Variants in DNAH14 observed in about 807,000 individuals in gnomAD.
The protein encoded by DNAH14 is axonemal beta dynein heavy chain 14.
Under a neutral mutation model 520.9 loss-of-function variants are expected in DNAH14, and 478 were observed. The observed-to-expected ratio is 0.92, with a 90% CI of 0.85 to 0.99. The LOEUF (loss-of-function observed/expected upper bound fraction) is 0.99, where lower values mean the gene tolerates loss of function less well. Among genes scored for constraint, DNAH14 ranks in the 50% least tolerant of loss-of-function variants. The pLI is 0.00. For synonymous variants in DNAH14, 1,581 were observed against 1,757.2 expected (o/e 0.90, Z 2.51); for missense variants, 4,831 against 5,234.5 (o/e 0.92, Z 2.38).
chr1:225,011,288 G>A (rs894775851), intron 10 of DNAH14, among the ~76,000 whole-genome samples: 6 of 152,016 alleles, frequency 3.9e-5, no homozygotes, highest in African/African-American at 1.5e-4. Context: ...CAGTGATTCT[G>A]GTATGTTATG....
intron 6 of DNAH14, 193 bp downstream of exon 6, chr1:224,967,776 G>T: frequency 4.1e-6 from 6 of 1,460,874 alleles, no homozygotes; most frequent in Non-Finnish European, 4.5e-6. Context: ...AGAGATTTAG[G>T]TTTGAAGATT....
chr1:225,186,223 T>A (rs1387337229), intron 37 of DNAH14, among the ~76,000 whole-genome samples: 1 of 151,828 alleles, frequency 6.6e-6, no homozygotes, highest in Non-Finnish European at 1.5e-5. Context: ...TTATGTGGAT[T>A]TTTTTTCTGT....
At chr1:224,975,553 C>T (rs1396214561) in intron 8 of DNAH14, among the ~76,000 whole-genome samples, 2 of 151,762 alleles carry the variant, frequency 1.3e-5, no homozygotes, top group African/African-American at 4.8e-5. Context: ...GTTTGTATTT[C>T]TGTGGGATCG....
At chr1:225,044,834 G>T (rs1011844837) in intron 15 of DNAH14, among the ~76,000 whole-genome samples, 8 of 152,086 alleles carry the variant, frequency 5.3e-5, no homozygotes, top group African/African-American at 1.9e-4. Flanking sequence ...AAAATCCAGA[G>T]ATATTAGTAT....
In DNAH14 at chr1:225,333,271, A is replaced by T. The variant is rs1333367762; in HGVS notation, c.9865-20A>T. 1.3e-6 allele frequency: 2 copies of T among 1,511,450 alleles called. No homozygotes were observed. Among genetic ancestry groups the T allele is most frequent in the Admixed American group, 4.0e-5 (2 of 49,732 alleles). The allele number at this position is 1,511,450 out of a possible 1,614,324, so 93.6% of individuals were successfully genotyped here. On this transcript the variant is annotated intron_variant, in intron 65 of 85. Transcript: ENST00000682510. The stretch of plus-strand genomic sequence containing the variant: ...TAATATATTTTATATAGAATAACTC[A>T]TTTCTATTTTAACATTTAGACTCGA...
intron 55 of DNAH14, among the ~76,000 whole-genome samples, chr1:225,290,424 TA>T (rs1180757032): frequency 6.6e-6 from 1 of 151,686 alleles, no homozygotes; most frequent in African/African-American, 2.4e-5. Context: ...ATCTGTATTT[TA>T]AAAACCCTTT....
At chr1:225,344,128 T>C (rs2095246931) in intron 69 of DNAH14, among the ~76,000 whole-genome samples, 1 of 152,188 alleles carries the variant, frequency 6.6e-6, no homozygotes. Context: ...ATAGTGGTTT[T>C]AGTAAAAATT....
intron 50 of DNAH14, among the ~76,000 whole-genome samples, chr1:225,271,469 A>G (rs1384238660): frequency 6.6e-6 from 1 of 152,204 alleles, no homozygotes; most frequent in Non-Finnish European, 1.5e-5. Context: ...CTAGATTTCA[A>G]GTTGAGTCAT....
rs1572128936 is a variant in DNAH14 at position 224,968,948 on chromosome 1, G to A, written c.767+74G>A. ...AGGAGCAGTTGCCTGAGTGACATCT[G>A]GGTTCTACTACAGTAATACCAGTAG... On this transcript the variant is annotated intron_variant, in intron 7 of 85. Transcript: ENST00000682510. The A allele has an allele frequency of 1.3e-5, 13 of 1,005,194 alleles. No individual in the cohort carries two copies. In the East Asian group the frequency reaches 3.7e-4, roughly 29 times the overall value. 62.3% of individuals were successfully genotyped at this position (1,005,194 alleles called of 1,614,324 possible). A position where few individuals can be genotyped will look rare whatever the true frequency, so the allele number is the denominator to read the frequency against.
At chr1:225,338,774 G>A (rs531032040) in intron 68 of DNAH14, among the ~76,000 whole-genome samples, 1 of 152,258 alleles carries the variant, frequency 6.6e-6, no homozygotes, top group South Asian at 2.1e-4. Context: ...TGTATGCAAA[G>A]CTACAGGAAA....
intron 26 of DNAH14, 72 bp downstream of exon 26, chr1:225,119,366 A>AT: frequency 9.3e-7 from 1 of 1,080,322 alleles, no homozygotes; most frequent in Non-Finnish European, 1.3e-6. Flanking sequence ...ATACACACAC[A>AT]TTTTTTAAAA....
At chr1:225,373,219 G>A (rs2095640981) in intron 77 of DNAH14, among the ~76,000 whole-genome samples, 1 of 151,430 alleles carries the variant, frequency 6.6e-6, no homozygotes, top group South Asian at 2.1e-4. Context: ...GGAGAGGAGG[G>A]CCGGGCGCGG....
At chr1:224,962,344 T>C (rs916407326) in intron 4 of DNAH14, among the ~76,000 whole-genome samples, 1 of 152,142 alleles carries the variant, frequency 6.6e-6, no homozygotes, top group Non-Finnish European at 1.5e-5. Context: ...AAGGAGACTA[T>C]TAGGGGCATG....
rs1030806858 is a variant in DNAH14, at chr1:225,216,751, C to A, written c.6439+9531C>A. Among the ~76,000 whole-genome samples the A allele has an allele frequency of 6.6e-5, 10 of 152,256 alleles. No homozygotes were observed. The South Asian group carries it at 1.2e-3, about 19-fold the overall frequency. Reference sequence around the variant, plus strand: ...GCCATGGTTTTCAGCTCCATCAGGTCATTTAATGACTTCTCTACACTGTTT... The same window carrying A: ...GCCATGGTTTTCAGCTCCATCAGGTAATTTAATGACTTCTCTACACTGTTT... On this transcript the variant is annotated intron_variant, in intron 41 of 85. Coordinates refer to ENST00000682510, the MANE Select transcript of DNAH14 (RefSeq NM_001367479.1).
At chr1:225,249,512 C>T (rs754851124) in intron 43 of DNAH14, among the ~76,000 whole-genome samples, 1 of 152,144 alleles carries the variant, frequency 6.6e-6, no homozygotes, top group Non-Finnish European at 1.5e-5. Context: ...AGCCCTCTAC[C>T]TGGAGGAGCT....
chr1:225,058,742 G>A (rs1218421893), intron 17 of DNAH14, among the ~76,000 whole-genome samples: 12 of 151,998 alleles, frequency 7.9e-5, no homozygotes, highest in African/African-American at 1.7e-4. Flanking sequence ...CTTTGTTCTC[G>A]TTGGTTTCAA....
chr1:225,069,751 T>C (rs532335594), intron 17 of DNAH14, among the ~76,000 whole-genome samples: 1 of 152,286 alleles, frequency 6.6e-6, no homozygotes, highest in Admixed American at 6.5e-5. Context: ...GTCCTTCATT[T>C]TTAAGTTTTT....
rs1241749150 is a variant in DNAH14, at chr1:225,374,799, T to G, written c.12430T>G (p.Trp4144Gly). Residue 4144 changes from tryptophan (W) to glycine (G), a missense_variant, in exon 78 of 86, where the codon TGG becomes GGG. Physicochemically the swap from Trp to Gly is radical, Grantham distance 184. Coordinates refer to ENST00000682510, the MANE Select transcript of DNAH14 (RefSeq NM_001367479.1). Reference protein sequence around the residue: ...VIYGGRVIDNWDKRCLKTLLY... With the variant: ...VIYGGRVIDNGDKRCLKTLLY... Reference sequence around the variant, plus strand: ...TTACGGTGGCCGGGTGATTGATAATTGGGACAAGCGATGCTTGAAGACCCT... The same window carrying G: ...TTACGGTGGCCGGGTGATTGATAATGGGGACAAGCGATGCTTGAAGACCCT... 3 of 1,551,444 alleles carry G rather than the reference T, an allele frequency of 1.9e-6. No individual in the cohort carries two copies. Among genetic ancestry groups the G allele is most frequent in the Non-Finnish European group, 2.6e-6 (3 of 1,146,962 alleles).
intron 1 of DNAH14, among the ~76,000 whole-genome samples, chr1:224,952,381 G>A (rs2060233857): frequency 1.3e-5 from 2 of 152,042 alleles, no homozygotes; most frequent in Non-Finnish European, 1.5e-5. Context: ...ATTATCTTTA[G>A]CATGCTATTT....
Sources: gnomAD v4.1 joint callset for allele counts (sites outside exome capture counted in the v4.1 genomes callset) on GRCh38, gnomAD v4.1.1 for gene constraint, MANE v1.5 for transcripts, NCBI Gene and HGNC (gene_info 2026-07-23, HGNC 2026-07-21) for gene names.